Variants in RNF213 observed in about 807,000 individuals in gnomAD.
The protein encoded by RNF213 is ring finger protein 213, also known as E3 ubiquitin-protein ligase RNF213.
In RNF213, 341 loss-of-function variants were observed where a neutral mutation model predicts 514.4. The ratio of observed to expected loss-of-function variants is 0.66; its 90% CI spans 0.61 to 0.73. The LOEUF (loss-of-function observed/expected upper bound fraction) is 0.73, where lower values mean the gene tolerates loss of function less well. RNF213 is among the 30% of genes least tolerant of loss of function. The pLI is 0.00. For missense variants in RNF213, 5,767 were observed against 6,615.6 expected, an observed-to-expected ratio of 0.87 and a Z score of 4.45; for synonymous variants, 2,655 against 2,658.2, an observed-to-expected ratio of 1.00 and a Z score of 0.04.
intron 2 of RNF213, among the ~76,000 whole-genome samples, chr17:80,265,781 G>GTAAAC (rs2043592673): frequency 6.6e-6 from 1 of 152,154 alleles, no homozygotes; most frequent in Non-Finnish European, 1.5e-5. Flanking sequence ...TAAAGTGGGG[G>GTAAAC]CACTTAAGCC....
intron 67 of RNF213, among the ~76,000 whole-genome samples, chr17:80,392,059 C>T (rs1276252466): frequency 1.3e-5 from 2 of 152,044 alleles, no homozygotes; most frequent in Admixed American, 1.3e-4. Flanking sequence ...TGAGCCACTG[C>T]GCCCGGCCTG....
rs1388554797 is a variant in RNF213, at chr17:80,293,563, C to A, written c.1472-1157C>A. Among the ~76,000 whole-genome samples the A allele has an allele frequency of 3.3e-5, 5 of 151,994 alleles. No homozygotes were observed. In the East Asian group the frequency reaches 7.8e-4, roughly 24 times the overall value. On this transcript the variant is annotated intron_variant, in intron 8 of 67. Coordinates refer to ENST00000582970, the MANE Select transcript of RNF213 (RefSeq NM_001256071.3). The stretch of plus-strand genomic sequence containing the variant: ...TGGTGGCTGGGCGTGGTGGCTCACG[C>A]CTGTAATCCCAGCATTTTGGGAGGC...
At position 80,397,844 on chromosome 17, in the gene RNF213, G is replaced by A. The variant is rs1468044689; in HGVS notation, c.*4346G>A. The A allele has an allele frequency of 1.3e-5, 2 of 149,570 alleles. No homozygotes were observed. The highest frequency in any genetic ancestry group is 6.7e-5 in the Admixed American group (1 of 14,848). The allele number at this position is 149,570 out of a possible 1,614,324, so 9.3% of individuals were successfully genotyped here. On this transcript the variant is annotated 3_prime_UTR_variant, in exon 68 of 68. Coordinates refer to ENST00000582970, the MANE Select transcript of RNF213 (RefSeq NM_001256071.3). ...GGATGGTTGAGGCAGCCCCTCAGACGGCTTAGGCCTGCCCTGTGGAGCATC... is the reference window on the plus strand; with the variant it reads ...GGATGGTTGAGGCAGCCCCTCAGACAGCTTAGGCCTGCCCTGTGGAGCATC...
chr17:80,362,953 AAAACTGGACAGAAGC>A (rs2079109884), intron 39 of RNF213, 134 bp from the exon 40 acceptor site: 1 of 776,902 alleles, frequency 1.3e-6, no homozygotes, highest in Non-Finnish European at 2.1e-6. Flanking sequence ...AGGCAGATAG[AAAACTGGACAGAAGC>A]AAACGGGACA....
intron 36 of RNF213, among the ~76,000 whole-genome samples, chr17:80,355,763 T>TGAACGG (rs2078781902): frequency 8.6e-5 from 7 of 80,994 alleles, no homozygotes; most frequent in African/African-American, 1.6e-4. Flanking sequence ...AGAAGCGGGG[T>TGAACGG]GAATGGGAAT....
At chr17:80,290,483 G>T in intron 6 of RNF213, 87 bp from the exon 7 acceptor site, 1 of 1,495,790 alleles carries the variant, frequency 6.7e-7, no homozygotes, top group East Asian at 2.3e-5. Flanking sequence ...GTGTGTGTGC[G>T]CACGTGTGTG....
chr17:80,367,874 A>C (rs2079343340), intron 43 of RNF213, 26 bp downstream of exon 43: 1 of 1,613,684 alleles, frequency 6.2e-7, no homozygotes, highest in Non-Finnish European at 8.5e-7. Flanking sequence ...TGGATCTGTG[A>C]AGGCGAGAAT....
At chr17:80,356,607 AC>A (rs1234040919) in intron 36 of RNF213, among the ~76,000 whole-genome samples, 3 of 152,072 alleles carry the variant, frequency 2.0e-5, no homozygotes, top group Admixed American at 6.6e-5. Flanking sequence ...TGTGTCCCGA[AC>A]TCTGCCTGCC....
chr17:80,382,884 TTATTTC>T lies in RNF213; in HGVS notation c.13979-90_13979-85del, dbSNP rs1202043974. ...GAAAGCTATTACCTCAAAACGAGTG[TTATTTC>T]TATTAAACACTTATTTAGGGTTTAT... On this transcript the variant is annotated intron_variant, in intron 57 of 67. Transcript: ENST00000582970. 1.9e-5 allele frequency: 15 copies of T among 775,626 alleles called. No individual in the cohort carries two copies. In the African/African-American group the frequency reaches 2.4e-4, roughly 12 times the overall value. 48.0% of individuals were successfully genotyped at this position (775,626 alleles called of 1,614,324 possible). A position where few individuals can be genotyped will look rare whatever the true frequency, so the allele number is the denominator to read the frequency against.
At chr17:80,393,123 C>T (rs1056852775) in intron 67 of RNF213, among the ~76,000 whole-genome samples, 3 of 151,796 alleles carry the variant, frequency 2.0e-5, no homozygotes, top group African/African-American at 7.3e-5. Flanking sequence ...GGACTATAGG[C>T]ATACACCACC....
intron 3 of RNF213, among the ~76,000 whole-genome samples, chr17:80,283,491 C>T (rs968367325): frequency 1.3e-5 from 2 of 152,232 alleles, no homozygotes; most frequent in African/African-American, 4.8e-5. Context: ...TTCCACAGCC[C>T]CGTGTTGTGG....
At position 80,353,338 on chromosome 17, in the gene RNF213, G is replaced by A; in HGVS notation, c.10424-174G>A. ...GAGCCCAGGCTGGAAGGAAGGGGCTGCCTTGGGGGCTGATCTTCATGACCG... is the reference window on the plus strand; with the variant it reads ...GAGCCCAGGCTGGAAGGAAGGGGCTACCTTGGGGGCTGATCTTCATGACCG... On this transcript the variant is annotated intron_variant, in intron 33 of 67. Transcript: ENST00000582970. The surrounding 1 kb of genome is among the most constrained non-coding windows in gnomAD (Gnocchi z 5.0). 2.4e-6 allele frequency: 2 copies of A among 844,764 alleles called. No homozygotes were observed. Among genetic ancestry groups the A allele is most frequent in the Non-Finnish European group, 3.8e-6 (2 of 524,880 alleles). The allele number at this position is 844,764 out of a possible 1,614,324, so 52.3% of individuals were successfully genotyped here. A position where few individuals can be genotyped will look rare whatever the true frequency, so the allele number is the denominator to read the frequency against.
rs182819514 is a variant in RNF213 at position 80,311,004 on chromosome 17, C to T, written c.2655+1833C>T. Among the ~76,000 whole-genome samples the T allele has an allele frequency of 2.0e-4, 31 of 152,312 alleles. 1 individual carries two copies. In the East Asian group the frequency reaches 3.5e-3, roughly 17 times the overall value. On this transcript the variant is annotated intron_variant, in intron 14 of 67. Transcript: ENST00000582970. ...ATAAATGTCATTGGTGAGATGATCA[C>T]GTTCTCTGGAGTGGCTGCTATTTAA...
At chr17:80,283,084 G>A (rs1456132033) in intron 3 of RNF213, among the ~76,000 whole-genome samples, 2 of 152,134 alleles carry the variant, frequency 1.3e-5, no homozygotes, top group Non-Finnish European at 2.9e-5. Context: ...ATACTTCTAA[G>A]CCTCACCCCC....
rs763335888 is a variant in RNF213 at position 80,340,292 on chromosome 17, G to A, written c.5925G>A (p.Ser1975=). The change falls in exon 26 of 68, where the codon TCG becomes TCA. Residue 1975 remains serine (S), a synonymous_variant. Coordinates refer to ENST00000582970, the MANE Select transcript of RNF213 (RefSeq NM_001256071.3). The stretch of plus-strand genomic sequence containing the variant: ...ACCGGGTCCCGAAGCAGACCCTGTC[G>A]GCGGCAGCCGTGTTCAATGACCGGC... ...GHYRVPKQTL[S]AAAVFNDRLC... The A allele has an allele frequency of 1.5e-5, 25 of 1,613,756 alleles. No homozygotes were observed. Among genetic ancestry groups the A allele is most frequent in the Middle Eastern group, 1.7e-4 (1 of 6,060 alleles).
chr17:80,281,214 AC>A (rs1267057585), intron 3 of RNF213, among the ~76,000 whole-genome samples: 1 of 30,868 alleles, frequency 3.2e-5, no homozygotes, highest in Non-Finnish European at 6.4e-5. Flanking sequence ...ACTCACACAC[AC>A]CCCCACACAC....
At chr17:80,276,202 G>T (rs1039616736) in intron 3 of RNF213, among the ~76,000 whole-genome samples, 4 of 152,006 alleles carry the variant, frequency 2.6e-5, no homozygotes, top group African/African-American at 9.7e-5. Flanking sequence ...CCGGGTTCAA[G>T]CGATTCTCCT....
intron 3 of RNF213, among the ~76,000 whole-genome samples, chr17:80,278,302 G>C (rs940650536): frequency 6.6e-6 from 1 of 152,246 alleles, no homozygotes; most frequent in African/African-American, 2.4e-5. Context: ...CAGACTGCCC[G>C]CCTCCGCCTC....
Position 80,377,781 on chromosome 17 carries a change from T to C in RNF213, c.13530T>C (p.Pro4510=). 1.2e-6 allele frequency: 2 copies of C among 1,614,180 alleles called. No homozygotes were observed. The highest frequency in any genetic ancestry group is 1.7e-6 in the Non-Finnish European group (2 of 1,180,018). ...VHWYTCPNGH[P]CSVGECGRPM... is the part of the protein sequence containing the mutation. ...TCACAGCTTGTCCCAACGGCCATCCTTGCTCCGTGGGAGAGGTGAGTCTTG... is the reference window on the plus strand; with the variant it reads ...TCACAGCTTGTCCCAACGGCCATCCCTGCTCCGTGGGAGAGGTGAGTCTTG... Residue 4510 remains proline, a synonymous_variant, in exon 54 of 68, where the codon CCT becomes CCC. Coordinates refer to ENST00000582970, the MANE Select transcript of RNF213 (RefSeq NM_001256071.3). This position sits in a 1 kb window ranked among gnomAD's most constrained non-coding sequence, Gnocchi z 4.1.
Sources: gnomAD v4.1 joint callset for allele counts (sites outside exome capture counted in the v4.1 genomes callset) on GRCh38, gnomAD v4.1.1 for gene constraint, Gnocchi (gnomAD v3.1) non-coding constraint, MANE v1.5 for transcripts, NCBI Gene and HGNC (gene_info 2026-07-23, HGNC 2026-07-21) for gene names.